CFAP210: variants seen among roughly 807,000 people sequenced by gnomAD.
CFAP210 encodes the protein cilia- and flagella- associated protein 210.
At chr2:169,667,192 G>T in the CFAP210 span, among the ~76,000 whole-genome samples, 3 of 146,266 alleles carry the variant, frequency 2.1e-5, no homozygotes, top group African/African-American at 7.7e-5. Context: ...AGGCTGGAGT[G>T]CAATGGCGCA....
chr2:169,669,013 AG>A, the CFAP210 span, among the ~76,000 whole-genome samples: 1 of 152,224 alleles, frequency 6.6e-6, no homozygotes, highest in African/African-American at 2.4e-5. Context: ...CAATCAAACA[AG>A]GTATGTCTAT....
chr2:169,671,506 T>C, the CFAP210 span, among the ~76,000 whole-genome samples: 1 of 152,252 alleles, frequency 6.6e-6, no homozygotes, highest in African/African-American at 2.4e-5. Flanking sequence ...GTCGCTCTTG[T>C]TGCCCAGGCT....
At chr2:169,683,471 G>C in the CFAP210 span, among the ~76,000 whole-genome samples, 1 of 152,190 alleles carries the variant, frequency 6.6e-6, no homozygotes, top group African/African-American at 2.4e-5. Flanking sequence ...CCTGCAATCA[G>C]AAGCTAACCA....
chr2:169,669,127 C>G, the CFAP210 span, among the ~76,000 whole-genome samples: 1 of 152,104 alleles, frequency 6.6e-6, no homozygotes, highest in Non-Finnish European at 1.5e-5. Context: ...CAAAGTTGAA[C>G]TCTAAGACAG....
the CFAP210 span, chr2:169,650,236 G>T: frequency 7.8e-7 from 1 of 1,278,974 alleles, no homozygotes; most frequent in Non-Finnish European, 1.0e-6. Flanking sequence ...ATCTTGGCTA[G>T]TTTTTGGTTA....
At chr2:169,648,162 C>CAAA in the CFAP210 span, 20 of 101,722 alleles carry the variant, frequency 2.0e-4, no homozygotes, top group Non-Finnish European at 2.3e-4. Flanking sequence ...AACTCTGTCT[C>CAAA]AAAAAAAAAA....
the CFAP210 span, among the ~76,000 whole-genome samples, chr2:169,669,654 A>T: frequency 6.6e-6 from 1 of 151,966 alleles, no homozygotes. Flanking sequence ...AAGGTGAATT[A>T]TTAGGTTTCT....
the CFAP210 span, chr2:169,662,273 A>G: frequency 1.3e-6 from 2 of 1,589,374 alleles, no homozygotes; most frequent in Non-Finnish European, 1.7e-6. Context: ...TTGCCCTTTC[A>G]ACTTACAAGA....
the CFAP210 span, chr2:169,661,251 T>C: frequency 3.6e-6 from 2 of 561,606 alleles, no homozygotes; most frequent in Non-Finnish European, 7.1e-6. Context: ...GGTCATCTCC[T>C]CTGTATGACT....
chr2:169,691,537 C>A, the CFAP210 span, among the ~76,000 whole-genome samples: 1 of 152,136 alleles, frequency 6.6e-6, no homozygotes, highest in African/African-American at 2.4e-5. Flanking sequence ...TCCACTCCCC[C>A]TTTCCCTCTT....
At chr2:169,685,965 T>A in the CFAP210 span, among the ~76,000 whole-genome samples, 1 of 152,346 alleles carries the variant, frequency 6.6e-6, no homozygotes, top group Admixed American at 6.5e-5. Flanking sequence ...CTCATCTATA[T>A]GTCTTTCCTT....
chr2:169,681,109 C>T, the CFAP210 span: 1 of 1,613,850 alleles, frequency 6.2e-7, no homozygotes, highest in Non-Finnish European at 8.5e-7. Flanking sequence ...CTCTTGTCAA[C>T]CTGTCAAGGC....
chr2:169,658,716 T>G, the CFAP210 span: 2 of 312,544 alleles, frequency 6.4e-6, no homozygotes, highest in Non-Finnish European at 1.3e-5. Context: ...ATTCCCGAAC[T>G]GTTATTGCAT....
chr2:169,656,961 T>A, the CFAP210 span, among the ~76,000 whole-genome samples: 2 of 16,262 alleles, frequency 1.2e-4, no homozygotes, highest in Non-Finnish European at 1.8e-4. Context: ...TAAGACTCCA[T>A]CTCAAAAAAA....
At chr2:169,653,263 T>C in the CFAP210 span, among the ~76,000 whole-genome samples, 1,730 of 151,462 alleles carry the variant, frequency 0.011, 38 homozygotes, top group African/African-American at 0.039. Context: ...ACGTGCTCTC[T>C]GGAGGTGAGC....
the CFAP210 span, among the ~76,000 whole-genome samples, chr2:169,651,446 G>A: frequency 6.6e-6 from 1 of 151,850 alleles, no homozygotes; most frequent in Non-Finnish European, 1.5e-5. Flanking sequence ...CCAGGCTGGA[G>A]TGCAGTGGCA....
At chr2:169,688,654 C>T in the CFAP210 span, among the ~76,000 whole-genome samples, 1 of 152,202 alleles carries the variant, frequency 6.6e-6, no homozygotes, top group Admixed American at 6.5e-5. Context: ...ACCTTTACTC[C>T]AGTTTCCAGA....
At chr2:169,672,038 A>G in the CFAP210 span, among the ~76,000 whole-genome samples, 14 of 152,154 alleles carry the variant, frequency 9.2e-5, no homozygotes, top group African/African-American at 3.4e-4. Context: ...TTCCATTTCT[A>G]TTGGTTTAAA....
the CFAP210 span, among the ~76,000 whole-genome samples, chr2:169,651,771 A>C: frequency 6.6e-6 from 1 of 152,200 alleles, no homozygotes; most frequent in South Asian, 2.1e-4. Flanking sequence ...AAAAGTTATC[A>C]AAATCCTAAA....
Sources: gnomAD v4.1 joint callset for allele counts (sites outside exome capture counted in the v4.1 genomes callset) on GRCh38, gnomAD v4.1.1 for gene constraint, MANE v1.5 for transcripts, NCBI Gene and HGNC (gene_info 2026-07-23, HGNC 2026-07-21) for gene names.